MAPK8IP3: variants seen among roughly 807,000 people sequenced by gnomAD.
MAPK8IP3 encodes the protein mitogen-activated protein kinase 8 interacting protein 3.
Under a neutral mutation model 157.8 loss-of-function variants are expected in MAPK8IP3, and 49 were observed. The ratio of observed to expected loss-of-function variants is 0.31; its 90% confidence interval spans 0.25 to 0.39. The LOEUF is 0.39. Ranked by LOEUF, MAPK8IP3 falls within the 10% of genes least tolerant of loss-of-function variation. The pLI is 1.00. For synonymous variants in MAPK8IP3, 897 were observed against 777.7 expected, an observed-to-expected ratio of 1.15 and a Z score of -2.55; for missense variants, 1,478 against 1,889.4, an observed-to-expected ratio of 0.78 and a Z score of 4.04.
intron 8 of MAPK8IP3, among the ~76,000 whole-genome samples, chr16:1,756,580 G>GAAGACCAGCC (rs1314688210): frequency 1.2e-4 from 18 of 147,880 alleles, no homozygotes; most frequent in African/African-American, 4.0e-4. Context: ...CCCAGGAGTT[G>GAAGACCAGCC]AAGACCAGCC....
intron 1 of MAPK8IP3, among the ~76,000 whole-genome samples, chr16:1,709,685 G>A (rs2037638947): frequency 6.6e-6 from 1 of 152,266 alleles, no homozygotes; most frequent in African/African-American, 2.4e-5. Flanking sequence ...GGGCTGGCAA[G>A]GAGCAGATGC....
chr16:1,767,363 T>C, intron 26 of MAPK8IP3, 66 bp downstream of exon 26: 1 of 1,599,436 alleles, frequency 6.3e-7, no homozygotes, highest in Non-Finnish European at 8.5e-7. Context: ...CTCCCGCATC[T>C]TCCATACGGA....
intron 4 of MAPK8IP3, among the ~76,000 whole-genome samples, 188 bp downstream of exon 4, chr16:1,729,766 C>T (rs962865648): frequency 6.6e-6 from 1 of 152,062 alleles, no homozygotes; most frequent in Admixed American, 6.6e-5. Flanking sequence ...TGTGGGGGGG[C>T]GGCCCTGGGC....
chr16:1,717,898 C>A (rs1028452565), intron 1 of MAPK8IP3, among the ~76,000 whole-genome samples: 1 of 151,836 alleles, frequency 6.6e-6, no homozygotes, highest in Non-Finnish European at 1.5e-5. Context: ...ATCGCCCAGG[C>A]TGGAGTGCAG....
rs1414663994 is a variant in MAPK8IP3, at chr16:1,769,043, T to C, written c.*219T>C. 6 of 594,486 alleles carry C rather than the reference T, an allele frequency of 1.0e-5. No individual in the cohort carries two copies. The highest frequency in any genetic ancestry group is 1.9e-5 in the African/African-American group (1 of 53,490). The allele number at this position is 594,486 out of a possible 1,614,324, so 36.8% of individuals were successfully genotyped here. A position where few individuals can be genotyped will look rare whatever the true frequency, so the allele number is the denominator to read the frequency against. On this transcript the variant is annotated 3_prime_UTR_variant, in exon 32 of 32. Transcript: ENST00000610761. ...GAACTTCCACCCGAGGGGAAGATGC[T>C]CTCGGGACAGTTTCCCGGGCAGCTC...
In MAPK8IP3 at chr16:1,766,367, C is replaced by G; in HGVS notation, c.2777C>G (p.Thr926Ser). The change falls in exon 22 of 32, where the codon ACT becomes AGT. Residue 926 changes from threonine to serine, a missense_variant. Transcript: ENST00000610761. ...GGGCCTCTCACAGAGCACGTCTTCA[C>G]TGACCCAGCCCCGACCCCGTCCTCT... The part of the protein sequence containing the change: ...RPGPLTEHVF[T>S]DPAPTPSSGP... 1 of 1,612,586 alleles carries G rather than the reference C, an allele frequency of 6.2e-7. No individual in the cohort carries two copies.
Position 1,741,822 on chromosome 16 carries a change from G to A in MAPK8IP3, c.603-1510G>A, listed in dbSNP as rs953793875. 6.6e-6 allele frequency among the ~76,000 whole-genome samples: 1 copy of A among 152,132 alleles called. No individual in the cohort carries two copies. Among genetic ancestry groups the A allele is most frequent in the African/African-American group, 2.4e-5 (1 of 41,414 alleles). On this transcript the variant is annotated intron_variant, in intron 4 of 31. Coordinates refer to ENST00000610761, the MANE Select transcript of MAPK8IP3 (RefSeq NM_001318852.2). This position sits in a 1 kb window ranked among gnomAD's most constrained non-coding sequence, Gnocchi z 6.9. ...TCCCAGCCGGCCCTGGTTCCCTCGT[G>A]CTACAGGATACGGTGTTGTCCTGAA...
intron 9 of MAPK8IP3, 86 bp downstream of exon 9, chr16:1,758,245 C>A: frequency 1.3e-6 from 2 of 1,528,190 alleles, no homozygotes; most frequent in South Asian, 1.1e-5. Context: ...ATCCCGTCAC[C>A]GTGGCTGTGT....
chr16:1,713,192 C>T lies in MAPK8IP3; in HGVS notation c.318+6535C>T, dbSNP rs369181749. Reference sequence around the variant, plus strand: ...TGTCCACTTCAGTAGCTGCTGGCCACATAGGGCCGTTGAGCATTTTAGGCA... The same window carrying T: ...TGTCCACTTCAGTAGCTGCTGGCCATATAGGGCCGTTGAGCATTTTAGGCA... On this transcript the variant is annotated intron_variant, in intron 1 of 31. Coordinates refer to ENST00000610761, the MANE Select transcript of MAPK8IP3 (RefSeq NM_001318852.2). Among the ~76,000 whole-genome samples the T allele has an allele frequency of 9.8e-5, 15 of 152,314 alleles. No individual in the cohort carries two copies. The South Asian group carries it at 3.1e-3, about 32-fold the overall frequency.
intron 1 of MAPK8IP3, among the ~76,000 whole-genome samples, chr16:1,721,048 C>T (rs1224054223): frequency 6.8e-6 from 1 of 146,840 alleles, no homozygotes; most frequent in Non-Finnish European, 1.5e-5. Context: ...AAAAAAAAAA[C>T]AAAACAAGGC....
rs1460134571 is a variant in MAPK8IP3 at position 1,743,633 on chromosome 16, G to A, written c.747+157G>A. ...GGCAGGATGGAGAAACCCAGCCAGGGTGTCAGGGGCTCAGGCTGCCCAGCA... is the reference window on the plus strand; with the variant it reads ...GGCAGGATGGAGAAACCCAGCCAGGATGTCAGGGGCTCAGGCTGCCCAGCA... On this transcript the variant is annotated intron_variant, in intron 5 of 31. Transcript: ENST00000610761. This position sits in a 1 kb window ranked among gnomAD's most constrained non-coding sequence, Gnocchi z 5.6. 3 of 1,446,250 alleles carry A rather than the reference G, an allele frequency of 2.1e-6. No homozygotes were observed. In the East Asian group the frequency reaches 8.2e-5, roughly 40 times the overall value. The allele number at this position is 1,446,250 out of a possible 1,614,324, so 89.6% of individuals were successfully genotyped here.
intron 1 of MAPK8IP3, among the ~76,000 whole-genome samples, chr16:1,721,680 A>G (rs115138928): frequency 7.9e-5 from 12 of 152,282 alleles, no homozygotes; most frequent in African/African-American, 2.9e-4. Flanking sequence ...GAGTCAATCA[A>G]TCCACTCGCC....
intron 4 of MAPK8IP3, among the ~76,000 whole-genome samples, chr16:1,732,959 C>T (rs2141754174): frequency 6.6e-6 from 1 of 152,380 alleles, no homozygotes; most frequent in Middle Eastern, 3.4e-3. Context: ...TCCATCAGAT[C>T]CCACAGTGGG....
chr16:1,714,532 A>G (rs2038016780), intron 1 of MAPK8IP3, among the ~76,000 whole-genome samples: 1 of 152,090 alleles, frequency 6.6e-6, no homozygotes, highest in African/African-American at 2.4e-5. Flanking sequence ...GTTATCAACA[A>G]CCAGATTCAA....
In MAPK8IP3 at chr16:1,766,551, A is replaced by G. The variant is rs755375012; in HGVS notation, c.2842A>G (p.Ser948Gly). The change falls in exon 23 of 32, where the codon AGC (serine) becomes GGC (glycine). Residue 948 changes from serine (S) to glycine (G), a missense_variant. Ser to Gly is a moderately conservative substitution (Grantham distance 56, BLOSUM62 0). This residue lies in a region of MAPK8IP3 where 669 missense variants were observed against 759.8 expected (regional missense o/e 0.88). Coordinates refer to ENST00000610761, the MANE Select transcript of MAPK8IP3 (RefSeq NM_001318852.2). ...CAGCGAGAACGGGCCAGAGCCTGACAGCAGCAGCACACGGCCAGAGCCAGA... is the reference window on the plus strand; with the variant it reads ...CAGCGAGAACGGGCCAGAGCCTGACGGCAGCAGCACACGGCCAGAGCCAGA... ...PGSENGPEPD[S>G]SSTRPEPEPS... 1.1e-4 allele frequency: 173 copies of G among 1,612,046 alleles called. No individual in the cohort carries two copies. Among genetic ancestry groups the G allele is most frequent in the Non-Finnish European group, 1.4e-4 (169 of 1,179,864 alleles).
chr16:1,760,394 T>C lies in MAPK8IP3; in HGVS notation c.1319T>C (p.Val440Ala). 6.2e-7 allele frequency: 1 copy of C among 1,612,132 alleles called. No individual in the cohort carries two copies. The highest frequency in any genetic ancestry group is 8.5e-7 in the Non-Finnish European group (1 of 1,178,730). The change falls in exon 12 of 32, where the codon GTG becomes GCG. Residue 440 changes from valine to alanine, a missense_variant. By Grantham distance (64) the Val-to-Ala change is moderately conservative. Transcript: ENST00000610761. ...CTTTTTCAAAGAAACGCCTTGAATG[T>C]GGTGAAGAATGACCTGATTGCCAAG... Reference protein sequence around the residue: ...QLLETKNALNVVKNDLIAKVD... With the variant: ...QLLETKNALNAVKNDLIAKVD...
At chr16:1,749,077 G>A (rs901635295) in intron 8 of MAPK8IP3, among the ~76,000 whole-genome samples, 3 of 152,210 alleles carry the variant, frequency 2.0e-5, no homozygotes, top group East Asian at 1.9e-4. Flanking sequence ...GGAAAAAAGT[G>A]TACACGTCAG....
Position 1,750,301 on chromosome 16 carries a change from C to G in MAPK8IP3, c.1216+1581C>G, listed in dbSNP as rs1048300305. On this transcript the variant is annotated intron_variant, in intron 8 of 31. Coordinates refer to ENST00000610761, the MANE Select transcript of MAPK8IP3 (RefSeq NM_001318852.2). The stretch of plus-strand genomic sequence containing the variant: ...CATCTTGGCTCACTGCAACCTCCGC[C>G]TCCCAGGTTCAAGCAATTCTCCTGT... Among the ~76,000 whole-genome samples the G allele has an allele frequency of 9.9e-5, 15 of 152,196 alleles. No individual in the cohort carries two copies. In the East Asian group the frequency reaches 2.9e-3, roughly 29 times the overall value.
chr16:1,749,157 T>C (rs115914203), intron 8 of MAPK8IP3, among the ~76,000 whole-genome samples: 1,824 of 152,238 alleles, frequency 0.012, 39 homozygotes, highest in African/African-American at 0.042. Context: ...GCAGAACTCG[T>C]GGGTATTGAG....
Sources: allele counts gnomAD v4.1 joint callset (sites outside exome capture counted in the v4.1 genomes callset), GRCh38; gene constraint gnomAD v4.1.1; regional missense constraint gnomAD v4.1.1; non-coding constraint Gnocchi (gnomAD v3.1); transcripts MANE v1.5; gene names NCBI Gene and HGNC (gene_info 2026-07-23, HGNC 2026-07-21).